The following ATP9A variants were observed in gnomAD, a reference collection of about 807,000 sequenced individuals.
ATP9A encodes the protein probable phospholipid-transporting ATPase IIA.
In ATP9A, 52 loss-of-function variants were observed where a neutral mutation model predicts 144.1. The ratio of observed to expected loss-of-function variants is 0.36; its 90% CI spans 0.29 to 0.45. ATP9A has a LOEUF of 0.45. Ranked by LOEUF, ATP9A falls within the 20% of genes least tolerant of loss-of-function variation. The pLI, the probability that ATP9A is intolerant of heterozygous loss-of-function variation, is 1.00. For synonymous variants in ATP9A, 582 were observed against 557.4 expected (o/e 1.04, Z -0.62); for missense variants, 947 against 1,392.7 (o/e 0.68, Z 5.09).
At chr20:51,725,420 C>T (rs2077708051) in intron 3 of ATP9A, among the ~76,000 whole-genome samples, 1 of 152,128 alleles carries the variant, frequency 6.6e-6, no homozygotes, top group Admixed American at 6.6e-5. Flanking sequence ...CCGTGCCTGG[C>T]CAGATTTTAG....
At chr20:51,642,295 C>A (rs900514821) in intron 14 of ATP9A, among the ~76,000 whole-genome samples, 10 of 152,074 alleles carry the variant, frequency 6.6e-5, no homozygotes, top group Non-Finnish European at 7.4e-5. Flanking sequence ...GCTGGGATTA[C>A]AGGCACCTGC....
At chr20:51,629,265 A>T (rs1334204211) in intron 15 of ATP9A, among the ~76,000 whole-genome samples, 193 bp from the exon 16 acceptor site, 1 of 152,244 alleles carries the variant, frequency 6.6e-6, no homozygotes, top group East Asian at 1.9e-4. Flanking sequence ...AGGAAAACTC[A>T]AAGCACTTGG....
At chr20:51,764,148 C>T (rs1008924641) in intron 1 of ATP9A, among the ~76,000 whole-genome samples, 2 of 152,146 alleles carry the variant, frequency 1.3e-5, no homozygotes, top group Non-Finnish European at 2.9e-5. Context: ...TATTGATATT[C>T]CCATTTTACA....
chr20:51,743,867 T>C (rs188940656), intron 1 of ATP9A, among the ~76,000 whole-genome samples: 3 of 151,612 alleles, frequency 2.0e-5, no homozygotes, highest in Admixed American at 2.0e-4. Context: ...ATTAGCTGGA[T>C]GCAGTGGCAA....
intron 13 of ATP9A, 53 bp from the exon 14 acceptor site, chr20:51,657,203 G>T: frequency 6.7e-7 from 1 of 1,487,142 alleles, no homozygotes; most frequent in Non-Finnish European, 9.3e-7. Flanking sequence ...GAATGATTTG[G>T]AGAGTGGAAG....
intron 18 of ATP9A, among the ~76,000 whole-genome samples, chr20:51,624,765 G>A (rs2077240907): frequency 6.6e-6 from 1 of 152,044 alleles, no homozygotes; most frequent in Non-Finnish European, 1.5e-5. Context: ...CTAGCACTTC[G>A]GAGACTGAGA....
chr20:51,607,438 T>G, intron 26 of ATP9A, 89 bp downstream of exon 26: 6 of 1,233,164 alleles, frequency 4.9e-6, no homozygotes, highest in East Asian at 2.4e-5. Context: ...TCAGATTCGT[T>G]TCTTCTCTTC....
In ATP9A at chr20:51,627,586, C is replaced by T; in HGVS notation, c.1845+14G>A. On this transcript the variant is annotated intron_variant, in intron 17 of 27. Coordinates refer to ENST00000338821, the MANE Select transcript of ATP9A (RefSeq NM_006045.3). ...GGGCTGCAAAGGCAATGGAAAGGTCCCAGAACAACTTACTTCAAAGTCCTG... is the reference window on the plus strand; with the variant it reads ...GGGCTGCAAAGGCAATGGAAAGGTCTCAGAACAACTTACTTCAAAGTCCTG... 6.2e-7 allele frequency: 1 copy of T among 1,613,090 alleles called. No homozygotes were observed. Among genetic ancestry groups the T allele is most frequent in the Non-Finnish European group, 8.5e-7 (1 of 1,179,100 alleles).
chr20:51,737,287 G>C lies in ATP9A; in HGVS notation c.69-7309C>G, dbSNP rs75006849. 6.6e-5 allele frequency among the ~76,000 whole-genome samples: 10 copies of C among 152,222 alleles called. No homozygotes were observed. In the East Asian group the frequency reaches 1.9e-3, roughly 29 times the overall value. On this transcript the variant is annotated intron_variant, in intron 1 of 27. Transcript: ENST00000338821. ...TGGGGACCATCAAGAGTGACTGTTC[G>C]GTCCATGCAGGAGCTCTCTTGCCCC...
intron 15 of ATP9A, among the ~76,000 whole-genome samples, chr20:51,636,072 G>T (rs568316350): frequency 6.6e-6 from 1 of 152,078 alleles, no homozygotes; most frequent in Non-Finnish European, 1.5e-5. Context: ...TTATGAATTA[G>T]GCACAGTAAG....
At position 51,644,267 on chromosome 20, in the gene ATP9A, C is replaced by CTTTTTTCTTT. The variant is rs2077332368; in HGVS notation, c.1507-4764_1507-4763insAAAGAAAAAA. 1.2e-4 allele frequency among the ~76,000 whole-genome samples: 9 copies of CTTTTTTCTTT among 76,018 alleles called. 2 individuals are homozygous for CTTTTTTCTTT. Among genetic ancestry groups the CTTTTTTCTTT allele is most frequent in the South Asian group, 1.1e-3 (2 of 1,860 alleles). The allele number at this position is 76,018 out of a possible 152,430, so 49.9% of individuals were successfully genotyped here. On this transcript the variant is annotated intron_variant, in intron 14 of 27. Coordinates refer to ENST00000338821, the MANE Select transcript of ATP9A (RefSeq NM_006045.3). ...AATTACTTCTAGCTTTTACTTCTAG[C>CTTTTTTCTTT]TTTTTTTTTTTTTTTTTTTTTTTGA...
chr20:51,622,076 G>A lies in ATP9A; in HGVS notation c.2113C>T (p.Leu705=). The A allele has an allele frequency of 1.2e-6, 2 of 1,613,974 alleles. No homozygotes were observed. Among genetic ancestry groups the A allele is most frequent in the Non-Finnish European group, 8.5e-7 (1 of 1,179,902 alleles). Residue 705 remains leucine (L), a splice_region_variant and synonymous_variant, in exon 19 of 28, where the codon CTG becomes TTG. Coordinates refer to ENST00000338821, the MANE Select transcript of ATP9A (RefSeq NM_006045.3). ...TRNQDIHVFR[L]VTNRGEAHLE... ...CCCTAACGCAGAGGACACTTTACCA[G>A]CCGAAAAACGTGGATGTCTTGGTTT...
chr20:51,765,786 C>G (rs6512745), intron 1 of ATP9A, among the ~76,000 whole-genome samples: 69,550 of 151,764 alleles, frequency 0.46, 16,290 homozygotes, highest in African/African-American at 0.52. Context: ...TGAAACAACT[C>G]TCTCTACTAA....
chr20:51,739,003 C>T (rs2077773927), intron 1 of ATP9A, among the ~76,000 whole-genome samples: 1 of 151,988 alleles, frequency 6.6e-6, no homozygotes. Flanking sequence ...ACAAGAGAAT[C>T]GCTTGAACCT....
chr20:51,675,667 G>A (rs962718988), intron 10 of ATP9A, among the ~76,000 whole-genome samples: 1 of 152,158 alleles, frequency 6.6e-6, no homozygotes, highest in Non-Finnish European at 1.5e-5. Flanking sequence ...ATCACTTGAT[G>A]TCCGGAGCTT....
chr20:51,763,614 G>A (rs963816094), intron 1 of ATP9A, among the ~76,000 whole-genome samples: 8 of 152,050 alleles, frequency 5.3e-5, no homozygotes, highest in African/African-American at 1.9e-4. Context: ...CACCTGGCCA[G>A]TTTACATACT....
chr20:51,687,418 A>G (rs2077527930), intron 9 of ATP9A, among the ~76,000 whole-genome samples: 1 of 152,186 alleles, frequency 6.6e-6, no homozygotes, highest in South Asian at 2.1e-4. Flanking sequence ...GTGCTGCTTC[A>G]TTCCCTCTCC....
At chr20:51,764,340 T>C (rs1227769630) in intron 1 of ATP9A, among the ~76,000 whole-genome samples, 1 of 152,228 alleles carries the variant, frequency 6.6e-6, no homozygotes, top group Non-Finnish European at 1.5e-5. Context: ...AAGGGCATGA[T>C]GTCATAAAAT....
rs144218905 is a variant in ATP9A, at chr20:51,746,436, C to T, written c.69-16458G>A. ...GAAGGAGGCTGGGCACGGTGGCTCA[C>T]GCCTGTAATCCCAGAACTTTGGGAA... On this transcript the variant is annotated intron_variant, in intron 1 of 27. Transcript: ENST00000338821. 8.3e-3 allele frequency among the ~76,000 whole-genome samples: 1,268 copies of T among 152,312 alleles called. 22 individuals are homozygous for T. The highest frequency in any genetic ancestry group is 0.029 in the African/African-American group (1,204 of 41,578).
Sources: gnomAD v4.1 joint callset for allele counts (sites outside exome capture counted in the v4.1 genomes callset) on GRCh38, gnomAD v4.1.1 for gene constraint, MANE v1.5 for transcripts, NCBI Gene and HGNC (gene_info 2026-07-23, HGNC 2026-07-21) for gene names.